CALD1: variants seen among roughly 807,000 people sequenced by gnomAD.
The protein encoded by CALD1 is caldesmon.
CALD1 carries 33 observed loss-of-function variants against 99.9 expected under a neutral mutation model. That is an observed-to-expected ratio of 0.33 (90% CI 0.25 to 0.44). The LOEUF (loss-of-function observed/expected upper bound fraction) is 0.44. Ranked by LOEUF, CALD1 falls within the 20% of genes least tolerant of loss-of-function variation. The probability of loss-of-function intolerance (pLI) is 1.00; values close to 1 mark genes in which losing one functional copy is unlikely to be tolerated. For missense variants in CALD1, 861 were observed against 962.1 expected (o/e 0.89, Z 1.39); for synonymous variants, 310 against 325.0 (o/e 0.95, Z 0.50).
intron 3 of CALD1, among the ~76,000 whole-genome samples, chr7:134,919,362 T>C (rs1227051052): frequency 2.0e-5 from 3 of 152,216 alleles, no homozygotes. Context: ...ACCAGACTGC[T>C]ATGGTATGTG....
chr7:134,845,575 G>T (rs1799818494), intron 2 of CALD1, among the ~76,000 whole-genome samples: 1 of 152,198 alleles, frequency 6.6e-6, no homozygotes, highest in African/African-American at 2.4e-5. Context: ...ATCCAAGAGG[G>T]ACTTACTGAG....
At chr7:134,951,866 A>G (rs1479816234) in intron 9 of CALD1, among the ~76,000 whole-genome samples, 1 of 152,262 alleles carries the variant, frequency 6.6e-6, no homozygotes, top group Non-Finnish European at 1.5e-5. Flanking sequence ...GCCTTACATC[A>G]TATTGAAGAT....
intron 1 of CALD1, among the ~76,000 whole-genome samples, chr7:134,747,659 T>A (rs1796646996): frequency 6.6e-6 from 1 of 152,208 alleles, no homozygotes; most frequent in Admixed American, 6.5e-5. Context: ...CTGCACTCCA[T>A]GCCTGTGCCC....
At chr7:134,945,037 TAA>T (rs1806750628) in intron 7 of CALD1, among the ~76,000 whole-genome samples, 1 of 152,206 alleles carries the variant, frequency 6.6e-6, no homozygotes, top group Admixed American at 6.5e-5. Context: ...TATAGTTGTG[TAA>T]AATACTAAAA....
intron 3 of CALD1, among the ~76,000 whole-genome samples, chr7:134,906,404 G>T (rs1194290790): frequency 6.6e-6 from 1 of 152,172 alleles, no homozygotes; most frequent in Admixed American, 6.5e-5. Context: ...ACTTCTCTGT[G>T]CCAGGTTTGC....
At chr7:134,736,273 C>A in the CALD1 span, among the ~76,000 whole-genome samples, 1 of 151,580 alleles carries the variant, frequency 6.6e-6, no homozygotes, top group South Asian at 2.1e-4. Flanking sequence ...GGATGACATT[C>A]AAAAATCTCA....
At chr7:134,843,217 A>C (rs1799720782) in intron 1 of CALD1, among the ~76,000 whole-genome samples, 1 of 152,176 alleles carries the variant, frequency 6.6e-6, no homozygotes, top group African/African-American at 2.4e-5. Flanking sequence ...TGTGTCGGGC[A>C]CTGCATTAAA....
At chr7:134,836,244 C>A (rs1043925431) in intron 1 of CALD1, among the ~76,000 whole-genome samples, 1 of 150,704 alleles carries the variant, frequency 6.6e-6, no homozygotes, top group Non-Finnish European at 1.5e-5. Context: ...CATGAGGGTT[C>A]TAATCTTCAT....
At chr7:134,899,212 T>C (rs1741943465) in intron 3 of CALD1, among the ~76,000 whole-genome samples, 1 of 151,502 alleles carries the variant, frequency 6.6e-6, no homozygotes, top group Non-Finnish European at 1.5e-5. Context: ...TTTTTCTTTT[T>C]TTTTTTTTTT....
chr7:134,865,407 C>G (rs901537678), intron 2 of CALD1, among the ~76,000 whole-genome samples: 1 of 152,024 alleles, frequency 6.6e-6, no homozygotes, highest in Non-Finnish European at 1.5e-5. Flanking sequence ...TGGTTTTGTG[C>G]TTTCCTCTAA....
intron 2 of CALD1, among the ~76,000 whole-genome samples, chr7:134,860,513 A>G (rs1800516842): frequency 1.3e-5 from 2 of 152,300 alleles, no homozygotes; most frequent in Admixed American, 6.5e-5. Flanking sequence ...AGAGAGATGA[A>G]TTGGCTTGAG....
intron 3 of CALD1, among the ~76,000 whole-genome samples, chr7:134,909,086 G>A (rs1803606761): frequency 6.6e-6 from 1 of 151,962 alleles, no homozygotes; most frequent in South Asian, 2.1e-4. Context: ...TTCATCCCTT[G>A]ATATTTAATT....
chr7:134,713,099 C>T, the CALD1 span, among the ~76,000 whole-genome samples: 4 of 152,170 alleles, frequency 2.6e-5, no homozygotes, highest in African/African-American at 9.7e-5. Context: ...CTGGTGATTT[C>T]CCCAAATTAC....
chr7:134,919,871 A>C (rs908541072), intron 3 of CALD1, among the ~76,000 whole-genome samples: 1 of 152,230 alleles, frequency 6.6e-6, no homozygotes, highest in Non-Finnish European at 1.5e-5. Context: ...AATTCACTAC[A>C]GACTACTTAC....
chr7:134,872,357 CAAAAAAAAA>C (rs35569742), intron 3 of CALD1, among the ~76,000 whole-genome samples: 99 of 100,450 alleles, frequency 9.9e-4, no homozygotes, highest in African/African-American at 2.7e-3. Context: ...GACTCGGTCT[CAAAAAAAAA>C]AAAAAAAAAA....
chr7:134,711,660 C>CTCTCTATATATATATA, the CALD1 span, among the ~76,000 whole-genome samples: 2 of 78,358 alleles, frequency 2.6e-5, no homozygotes, highest in African/African-American at 6.2e-5. Context: ...CTCTCTCTCT[C>CTCTCTATATATATATA]TATATATATA....
rs148097037 is a variant in CALD1, at chr7:134,842,446, G to T, written c.-129-1438G>T. Among the ~76,000 whole-genome samples the T allele has an allele frequency of 1.1e-4, 16 of 152,290 alleles. No homozygotes were observed. The East Asian group carries it at 3.1e-3, about 29-fold the overall frequency. On this transcript the variant is annotated intron_variant, in intron 1 of 14. Transcript: ENST00000361675. ...TATTATTATTATTTCCATAATGAAAGCAAATCATATTATGAAAAAGTCACA... is the reference window on the plus strand; with the variant it reads ...TATTATTATTATTTCCATAATGAAATCAAATCATATTATGAAAAAGTCACA...
At chr7:134,799,195 CTTCTT>C (rs1236188113) in intron 1 of CALD1, among the ~76,000 whole-genome samples, 1 of 152,182 alleles carries the variant, frequency 6.6e-6, no homozygotes, top group Non-Finnish European at 1.5e-5. Flanking sequence ...ATGTAGGTAT[CTTCTT>C]TGGTATCTTC....
chr7:134,903,971 C>T (rs937805371), intron 3 of CALD1, among the ~76,000 whole-genome samples: 6 of 152,038 alleles, frequency 3.9e-5, no homozygotes, highest in Admixed American at 3.9e-4. Flanking sequence ...ACCTGTAATC[C>T]TAGCACTTTG....
Sources: gnomAD v4.1 joint callset for allele counts (sites outside exome capture counted in the v4.1 genomes callset) on GRCh38, gnomAD v4.1.1 for gene constraint, MANE v1.5 for transcripts, NCBI Gene and HGNC (gene_info 2026-07-23, HGNC 2026-07-21) for gene names.